UBAP2: variants seen among roughly 807,000 people sequenced by gnomAD.
The protein encoded by UBAP2 is ubiquitin associated protein 2, also known as ubiquitin-associated protein 2.
In UBAP2, 75 loss-of-function variants were observed where a neutral mutation model predicts 139.6. The observed-to-expected ratio is 0.54, with a 90% CI of 0.45 to 0.65. The LOEUF is 0.65. Ranked by LOEUF, UBAP2 falls within the 30% of genes least tolerant of loss-of-function variation. The pLI, the probability that UBAP2 is intolerant of heterozygous loss-of-function variation, is 0.00. For synonymous variants in UBAP2, 526 were observed against 526.2 expected (o/e 1.00, Z 0.01); for missense variants, 1,368 against 1,369.6 (o/e 1.00, Z 0.02).
chr9:33,950,873 T>A (rs772359316), intron 12 of UBAP2, among the ~76,000 whole-genome samples: 2 of 152,228 alleles, frequency 1.3e-5, no homozygotes, highest in Non-Finnish European at 2.9e-5. Context: ...ATGGAGAGAC[T>A]TTTAAAATGT....
chr9:33,986,570 C>A (rs1411704516), intron 6 of UBAP2, among the ~76,000 whole-genome samples, 190 bp downstream of exon 6: 1 of 152,130 alleles, frequency 6.6e-6, no homozygotes, highest in Non-Finnish European at 1.5e-5. Context: ...CAAAAACAAC[C>A]CTTTGGTTTC....
At chr9:33,952,196 G>A (rs1052635589) in intron 12 of UBAP2, among the ~76,000 whole-genome samples, 1 of 152,228 alleles carries the variant, frequency 6.6e-6, no homozygotes, top group African/African-American at 2.4e-5. Flanking sequence ...TCCCTAGTAA[G>A]AGCTGTAGTT....
chr9:33,965,414 A>T (rs1247733444), intron 8 of UBAP2, among the ~76,000 whole-genome samples: 1 of 152,030 alleles, frequency 6.6e-6, no homozygotes, highest in African/African-American at 2.4e-5. Context: ...CTATCATTTC[A>T]TTTTTCTCTT....
chr9:33,960,556 A>T (rs142636146), intron 10 of UBAP2, among the ~76,000 whole-genome samples: 8 of 152,072 alleles, frequency 5.3e-5, no homozygotes, highest in African/African-American at 1.9e-4. Context: ...CGGGTGTATC[A>T]CCTGAGGTCA....
At chr9:34,021,260 C>T (rs993705656) in intron 1 of UBAP2, among the ~76,000 whole-genome samples, 4 of 152,200 alleles carry the variant, frequency 2.6e-5, no homozygotes, top group African/African-American at 9.7e-5. Flanking sequence ...GCTTCATTAA[C>T]TGGCTTGCTA....
chr9:34,007,203 C>A (rs1823293859), intron 2 of UBAP2, among the ~76,000 whole-genome samples: 1 of 152,052 alleles, frequency 6.6e-6, no homozygotes, highest in Non-Finnish European at 1.5e-5. Flanking sequence ...AGTTCTAGTA[C>A]TCAAGTGAGG....
intron 2 of UBAP2, among the ~76,000 whole-genome samples, chr9:34,015,463 G>A (rs998358697): frequency 2.0e-5 from 3 of 149,700 alleles, no homozygotes; most frequent in Non-Finnish European, 4.4e-5. Context: ...GCCATTACAG[G>A]CACCCACTAC....
chr9:33,959,829 C>G (rs1826886375), intron 10 of UBAP2, among the ~76,000 whole-genome samples: 1 of 152,000 alleles, frequency 6.6e-6, no homozygotes, highest in Admixed American at 6.6e-5. Flanking sequence ...TGAAAATATT[C>G]TAAAGAATAA....
In UBAP2 at chr9:33,926,647, C is replaced by G; in HGVS notation, c.2481G>C (p.Glu827Asp). Residue 827 changes from glutamate to aspartate, a missense_variant, in exon 22 of 29, where the codon GAG becomes GAC. Coordinates refer to ENST00000379238, the MANE Select transcript of UBAP2 (RefSeq NM_001370062.2). ...LPAYPIYGYD[E>D]LQMLQSRLPV... ...GCAGCCGTGACTGCAGCATCTGGAGCTCGTCATAGCCATAGATCTGTGTGA... is the reference window on the plus strand; with the variant it reads ...GCAGCCGTGACTGCAGCATCTGGAGGTCGTCATAGCCATAGATCTGTGTGA... 1 of 1,614,212 alleles carries G rather than the reference C, an allele frequency of 6.2e-7. No homozygotes were observed. Among genetic ancestry groups the G allele is most frequent in the Non-Finnish European group, 8.5e-7 (1 of 1,180,030 alleles).
intron 21 of UBAP2, 135 bp from the exon 22 acceptor site, chr9:33,926,799 AAC>A (rs2130860600): frequency 2.8e-6 from 3 of 1,058,956 alleles, no homozygotes; most frequent in Non-Finnish European, 4.4e-6. Context: ...CTGTTACGGG[AAC>A]AGATCCTGCC....
chr9:34,032,764 C>A (rs1825995771), intron 1 of UBAP2, among the ~76,000 whole-genome samples: 1 of 151,872 alleles, frequency 6.6e-6, no homozygotes, highest in Non-Finnish European at 1.5e-5. Context: ...TCTTTACAAA[C>A]AATACAAAAA....
At chr9:33,985,839 T>C (rs961530222) in intron 6 of UBAP2, among the ~76,000 whole-genome samples, 2 of 151,912 alleles carry the variant, frequency 1.3e-5, no homozygotes, top group Non-Finnish European at 2.9e-5. Flanking sequence ...CTGGCCAACA[T>C]GGTAAAACCC....
rs1822221334 is a variant in UBAP2, at chr9:33,996,562, T to C, written c.178-229A>G. ...AACTACAAATCAATCTTCCTCCAAG[T>C]TGACCAAGGAGCAGATCATTAATCA... On this transcript the variant is annotated intron_variant, in intron 3 of 28. Transcript: ENST00000379238. The C allele has an allele frequency of 6.5e-6, 3 of 458,456 alleles. No homozygotes were observed. The South Asian group carries it at 9.9e-5, about 15-fold the overall frequency. The allele number at this position is 458,456 out of a possible 1,614,324, so 28.4% of individuals were successfully genotyped here.
At chr9:34,028,137 C>T (rs1360737581) in intron 1 of UBAP2, among the ~76,000 whole-genome samples, 2 of 151,852 alleles carry the variant, frequency 1.3e-5, no homozygotes, top group Non-Finnish European at 2.9e-5. Context: ...ACCCACACTT[C>T]GCTGACAGAA....
intron 1 of UBAP2, among the ~76,000 whole-genome samples, chr9:34,035,440 T>C (rs957542193): frequency 3.5e-5 from 5 of 144,372 alleles, no homozygotes; most frequent in African/African-American, 1.3e-4. Flanking sequence ...AGGTGGAGGT[T>C]GCAGTGAGCC....
intron 1 of UBAP2, among the ~76,000 whole-genome samples, chr9:34,047,390 T>C (rs943488685): frequency 3.9e-5 from 6 of 152,128 alleles, no homozygotes; most frequent in African/African-American, 9.7e-5. Flanking sequence ...TGAAGGAAAC[T>C]ATCATCTCCA....
rs768455162 is a variant in UBAP2, at chr9:33,927,926, C to T, written c.2242G>A (p.Val748Ile). The T allele has an allele frequency of 5.0e-6, 8 of 1,614,202 alleles. No homozygotes were observed. The South Asian group carries it at 6.6e-5, about 13-fold the overall frequency. The change falls in exon 20 of 29, where the codon GTC becomes ATC. Residue 748 changes from valine (V) to isoleucine (I), a missense_variant. Coordinates refer to ENST00000379238, the MANE Select transcript of UBAP2 (RefSeq NM_001370062.2). ...GCGCCTGAGGATGCGGAACTTGAGA[C>T]GGAGGTCGCTGCCGTGGAGAAGGTG... ...SATFSTAATS[V>I]SSSASSGASL...
At chr9:33,923,746 C>A in intron 24 of UBAP2, 49 bp downstream of exon 24, 1 of 1,591,286 alleles carries the variant, frequency 6.3e-7, no homozygotes, top group Non-Finnish European at 8.6e-7. Flanking sequence ...TTTCCACCTG[C>A]CAGCAACCCA....
chr9:33,935,847 G>A lies in UBAP2; in HGVS notation c.1961C>T (p.Thr654Ile). The change falls in exon 17 of 29, where the codon ACA becomes ATA. Residue 654 changes from threonine (T) to isoleucine (I), a missense_variant. Transcript: ENST00000379238. Reference protein sequence around the residue: ...NGHGGGRSQQTLDTPKTTGPP... With the variant: ...NGHGGGRSQQILDTPKTTGPP... Reference sequence around the variant, plus strand: ...CTTGCTGCTATACTTACTGTCTAGTGTCTGCTGACTTCGACCACCACCATG... The same window carrying A: ...CTTGCTGCTATACTTACTGTCTAGTATCTGCTGACTTCGACCACCACCATG... 1 of 1,613,802 alleles carries A rather than the reference G, an allele frequency of 6.2e-7. No individual in the cohort carries two copies. The highest frequency in any genetic ancestry group is 8.5e-7 in the Non-Finnish European group (1 of 1,179,946).
Sources: gnomAD v4.1 joint callset for allele counts (sites outside exome capture counted in the v4.1 genomes callset) on GRCh38, gnomAD v4.1.1 for gene constraint, MANE v1.5 for transcripts, NCBI Gene and HGNC (gene_info 2026-07-23, HGNC 2026-07-21) for gene names.